The following DNASE1L3 variants were observed in gnomAD, a reference collection of about 807,000 sequenced individuals.
DNASE1L3 encodes the protein deoxyribonuclease gamma.
A neutral mutation model predicts 30.9 loss-of-function variants in DNASE1L3; 27 were observed. The ratio of observed to expected loss-of-function variants is 0.87; its 90% CI spans 0.64 to 1.20. DNASE1L3 has a LOEUF of 1.20. DNASE1L3 is among the 50% of genes most tolerant of loss of function. DNASE1L3 has a pLI of 0.00. For synonymous variants in DNASE1L3, 135 were observed against 138.0 expected, an observed-to-expected ratio of 0.98 and a Z score of 0.15; for missense variants, 364 against 378.2, an observed-to-expected ratio of 0.96 and a Z score of 0.31.
Position 58,205,976 on chromosome 3 carries a change from G to C in DNASE1L3, c.231-416C>G, listed in dbSNP as rs563933518. On this transcript the variant is annotated intron_variant, in intron 2 of 7. Transcript: ENST00000394549. The stretch of plus-strand genomic sequence containing the variant: ...GCTGCAGCTGCAGCTCATGCTTTCT[G>C]GTGGAATAAATGTCATCAGGCCACC... 8.5e-5 allele frequency among the ~76,000 whole-genome samples: 13 copies of C among 152,314 alleles called. No homozygotes were observed. The East Asian group carries it at 2.5e-3, about 29-fold the overall frequency.
intron 6 of DNASE1L3, among the ~76,000 whole-genome samples, chr3:58,193,823 TG>T: frequency 6.6e-6 from 1 of 152,366 alleles, no homozygotes; most frequent in African/African-American, 2.4e-5. Flanking sequence ...AGGGAGGTGC[TG>T]GTTTGTCTTT....
chr3:58,194,877 C>T (rs551155045), intron 6 of DNASE1L3, among the ~76,000 whole-genome samples: 11 of 152,290 alleles, frequency 7.2e-5, no homozygotes, highest in African/African-American at 2.4e-4. Context: ...ATCCACCGGC[C>T]GCAGCCTCCC....
intron 2 of DNASE1L3, 140 bp from the exon 3 acceptor site, chr3:58,205,700 A>T: frequency 1.5e-6 from 1 of 678,062 alleles, no homozygotes; most frequent in Non-Finnish European, 2.6e-6. Flanking sequence ...TTTGAGTCCA[A>T]TGAGAGGAGC....
intron 6 of DNASE1L3, among the ~76,000 whole-genome samples, chr3:58,195,613 CA>C (rs34773952): frequency 0.025 from 962 of 38,414 alleles, 2 homozygotes; most frequent in African/African-American, 0.047. Context: ...ACTAAAATTA[CA>C]AAAAAAAAAA....
rs1420216657 is a variant in DNASE1L3, at chr3:58,204,823, C to T, written c.379G>A (p.Ala127Thr). Reference protein sequence around the residue: ...YHYHDYQDGDADVFSREPFVV... With the variant: ...YHYHDYQDGDTDVFSREPFVV... ...AAGGGCTCCCTGGAAAACACATCTG[C>T]GTCTCCATCCTGATAGTCATGGTAG... The change falls in exon 4 of 8, where the codon GCA becomes ACA. Residue 127 changes from alanine to threonine, a missense_variant. By Grantham distance (58) the Ala-to-Thr change is moderately conservative. Coordinates refer to ENST00000394549, the MANE Select transcript of DNASE1L3 (RefSeq NM_004944.4). 6.2e-6 allele frequency: 10 copies of T among 1,614,140 alleles called. No individual in the cohort carries two copies. The highest frequency in any genetic ancestry group is 1.1e-5 in the South Asian group (1 of 91,082).
At chr3:58,202,087 T>C (rs1335374694) in intron 4 of DNASE1L3, among the ~76,000 whole-genome samples, 1 of 152,110 alleles carries the variant, frequency 6.6e-6, no homozygotes, top group African/African-American at 2.4e-5. Context: ...TTTCTTTTTT[T>C]AATTGACAGG....
chr3:58,202,220 A>G (rs1559757472), intron 4 of DNASE1L3, among the ~76,000 whole-genome samples: 2 of 147,678 alleles, frequency 1.4e-5, no homozygotes, highest in Non-Finnish European at 3.0e-5. Flanking sequence ...ATTTCGGCTC[A>G]CTGCAACCTC....
Position 58,195,645 on chromosome 3 carries a change from G to A in DNASE1L3, c.704+2176C>T, listed in dbSNP as rs538489949. ...AAAAAAAAAAAAAAAAAAAAGCGGG[G>A]CATGTTTGTGTATGCCTGTAATCCC... On this transcript the variant is annotated intron_variant, in intron 6 of 7. Transcript: ENST00000394549. Among the ~76,000 whole-genome samples the A allele has an allele frequency of 3.8e-3, 535 of 139,434 alleles. 5 individuals carry two copies. Among genetic ancestry groups the A allele is most frequent in the Non-Finnish European group, 5.1e-3 (327 of 63,906 alleles). The allele number at this position is 139,434 out of a possible 152,430, so 91.5% of individuals were successfully genotyped here.
At chr3:58,199,650 C>T (rs1303478862) in intron 5 of DNASE1L3, among the ~76,000 whole-genome samples, 3 of 148,894 alleles carry the variant, frequency 2.0e-5, no homozygotes, top group South Asian at 2.1e-4. Context: ...GGGACAAGAG[C>T]GAGATTTCAT....
Position 58,195,613 on chromosome 3 carries a change from CAAAAAAA to C in DNASE1L3, c.705-2181_705-2175del, listed in dbSNP as rs34773952. ...CGAAACCCCATCTCTACTAAAATTA[CAAAAAAA>C]AAAAAAAAAAAAAAAAAAAGCGGGG... On this transcript the variant is annotated intron_variant, in intron 6 of 7. Transcript: ENST00000394549. Among the ~76,000 whole-genome samples the C allele has an allele frequency of 4.4e-3, 170 of 38,442 alleles. 2 individuals are homozygous for C. The highest frequency in any genetic ancestry group is 0.014 in the Admixed American group (44 of 3,084). The allele number at this position is 38,442 out of a possible 152,430, so 25.2% of individuals were successfully genotyped here.
chr3:58,200,304 C>T lies in DNASE1L3; in HGVS notation c.546+693G>A, dbSNP rs1223588204. 6.6e-6 allele frequency among the ~76,000 whole-genome samples: 1 copy of T among 152,156 alleles called. No homozygotes were observed. The highest frequency in any genetic ancestry group is 1.5e-5 in the Non-Finnish European group (1 of 68,028). ...GGATGGACACCTGACCCAGTCAGAG[C>T]CAATGAGACTCAGTCCCACACTATT... On this transcript the variant is annotated intron_variant, in intron 5 of 7. Transcript: ENST00000394549. The surrounding 1 kb of genome is among the most constrained non-coding windows in gnomAD (Gnocchi z 4.2).
intron 4 of DNASE1L3, among the ~76,000 whole-genome samples, chr3:58,203,333 G>A (rs547124239): frequency 1.7e-4 from 26 of 152,132 alleles, no homozygotes; most frequent in South Asian, 6.2e-4. Flanking sequence ...TGCTCACTGT[G>A]CCCTCCATGT....
At chr3:58,207,990 C>G in intron 2 of DNASE1L3, 1 of 425,004 alleles carries the variant, frequency 2.4e-6, no homozygotes, top group Non-Finnish European at 4.2e-6. Context: ...TCATTTCTTT[C>G]TGTGTCCAGA....
chr3:58,192,925 G>C lies in DNASE1L3; in HGVS notation c.802-122C>G. On this transcript the variant is annotated intron_variant, in intron 7 of 7. Transcript: ENST00000394549. The surrounding 1 kb of genome is among the most constrained non-coding windows in gnomAD (Gnocchi z 4.8). ...AGGAAATGCCCGAAGTCACCCCACA[G>C]AACACTTACTGGTAAGCGTCATTCC... The C allele has an allele frequency of 6.7e-7, 1 of 1,488,722 alleles. No individual in the cohort carries two copies. Among genetic ancestry groups the C allele is most frequent in the Non-Finnish European group, 8.9e-7 (1 of 1,126,924 alleles). 92.2% of individuals were successfully genotyped at this position (1,488,722 alleles called of 1,614,324 possible). A position where few individuals can be genotyped will look rare whatever the true frequency, so the allele number is the denominator to read the frequency against.
intron 4 of DNASE1L3, among the ~76,000 whole-genome samples, chr3:58,203,221 G>A (rs2097401907): frequency 6.6e-6 from 1 of 152,180 alleles, no homozygotes; most frequent in Non-Finnish European, 1.5e-5. Context: ...GGCCCCACGT[G>A]TCCTCATTGC....
At chr3:58,210,625 G>T in intron 1 of DNASE1L3, 141 bp downstream of exon 1, 1 of 1,288,286 alleles carries the variant, frequency 7.8e-7, no homozygotes, top group Non-Finnish European at 1.1e-6. Flanking sequence ...GGTACAGAGA[G>T]TTGAAGTGGT....
chr3:58,195,624 A>AG (rs2097396757), intron 6 of DNASE1L3, among the ~76,000 whole-genome samples: 3 of 146,044 alleles, frequency 2.1e-5, no homozygotes, highest in African/African-American at 7.7e-5. Flanking sequence ...AAAAAAAAAA[A>AG]AAAAAAAAAA....
At chr3:58,193,715 C>T (rs765187613) in intron 6 of DNASE1L3, among the ~76,000 whole-genome samples, 3 of 152,212 alleles carry the variant, frequency 2.0e-5, no homozygotes, top group Admixed American at 6.5e-5. Context: ...ATATGACACA[C>T]GCACACTATC....
chr3:58,210,342 T>C (rs928110149), intron 1 of DNASE1L3, among the ~76,000 whole-genome samples: 3 of 152,174 alleles, frequency 2.0e-5, no homozygotes, highest in Admixed American at 1.3e-4. Context: ...GGAGTAGCTG[T>C]ATAAGGTTAC....
Sources: gnomAD v4.1 joint callset for allele counts (sites outside exome capture counted in the v4.1 genomes callset) on GRCh38, gnomAD v4.1.1 for gene constraint, Gnocchi (gnomAD v3.1) non-coding constraint, MANE v1.5 for transcripts, NCBI Gene and HGNC (gene_info 2026-07-23, HGNC 2026-07-21) for gene names.